Variants in DPP10 observed in about 807,000 individuals in gnomAD.
DPP10 encodes inactive dipeptidyl peptidase 10.
Under a neutral mutation model 120.9 loss-of-function variants are expected in DPP10, and 33 were observed. The ratio of observed to expected loss-of-function variants is 0.27; its 90% CI spans 0.21 to 0.37. The LOEUF (loss-of-function observed/expected upper bound fraction) is 0.37. DPP10 is among the 10% of genes least tolerant of loss of function. The pLI is 1.00. For synonymous variants in DPP10, 337 were observed against 326.1 expected (o/e 1.03, Z -0.36); for missense variants, 816 against 942.8 (o/e 0.87, Z 1.76).
intron 1 of DPP10, among the ~76,000 whole-genome samples, chr2:115,022,009 A>G (rs1303042226): frequency 6.6e-6 from 1 of 152,036 alleles, no homozygotes; most frequent in Non-Finnish European, 1.5e-5. Context: ...AAAATAGGAC[A>G]TATAATAAGG....
At chr2:114,608,698 C>T (rs1298311293) in intron 1 of DPP10, among the ~76,000 whole-genome samples, 1 of 150,730 alleles carries the variant, frequency 6.6e-6, no homozygotes, top group Non-Finnish European at 1.5e-5. Flanking sequence ...TGGACTGCTA[C>T]ACAGCCAAAA....
At chr2:114,825,246 T>G (rs1686427342) in intron 1 of DPP10, among the ~76,000 whole-genome samples, 1 of 152,196 alleles carries the variant, frequency 6.6e-6, no homozygotes, top group Admixed American at 6.5e-5. Context: ...AGTTTAACAT[T>G]TAATATCTGG....
chr2:114,591,390 G>A (rs543147985), intron 1 of DPP10, among the ~76,000 whole-genome samples: 13 of 152,286 alleles, frequency 8.5e-5, no homozygotes, highest in African/African-American at 3.1e-4. Flanking sequence ...CAACGCTGAT[G>A]TTGGTCCTCT....
At chr2:114,536,408 C>CTTTTTTTTTTTTT (rs70937287) in intron 1 of DPP10, among the ~76,000 whole-genome samples, 14 of 128,722 alleles carry the variant, frequency 1.1e-4, no homozygotes, top group East Asian at 2.2e-4. Flanking sequence ...TTTTCTTTTT[C>CTTTTTTTTTTTTT]TTTTTTTTTT....
At chr2:115,501,501 C>T (rs1030231715) in intron 4 of DPP10, among the ~76,000 whole-genome samples, 1 of 152,046 alleles carries the variant, frequency 6.6e-6, no homozygotes, top group Non-Finnish European at 1.5e-5. Context: ...TTCTCCTCTA[C>T]ATTAGCCGTG....
chr2:114,987,741 T>A (rs932710594), intron 1 of DPP10, among the ~76,000 whole-genome samples: 2 of 151,916 alleles, frequency 1.3e-5, no homozygotes, highest in Admixed American at 1.3e-4. Flanking sequence ...ATATCTTGGA[T>A]CTTATTGAGG....
chr2:115,340,709 C>T (rs764326827), intron 2 of DPP10, among the ~76,000 whole-genome samples: 1 of 151,142 alleles, frequency 6.6e-6, no homozygotes, highest in African/African-American at 2.4e-5. Context: ...TAGGAACAAA[C>T]TAAATGTTTT....
At chr2:115,528,581 A>G (rs1473375304) in intron 5 of DPP10, among the ~76,000 whole-genome samples, 1 of 152,056 alleles carries the variant, frequency 6.6e-6, no homozygotes, top group Non-Finnish European at 1.5e-5. Flanking sequence ...CAGCAGCCTT[A>G]TTTATAATAG....
chr2:115,329,724 A>G (rs1403747658), intron 2 of DPP10, among the ~76,000 whole-genome samples: 1 of 152,086 alleles, frequency 6.6e-6, no homozygotes, highest in African/African-American at 2.4e-5. Flanking sequence ...GCTGAGAATG[A>G]TGGTTTCCAG....
At chr2:115,498,822 A>G (rs763264859) in intron 3 of DPP10, among the ~76,000 whole-genome samples, 12 of 151,806 alleles carry the variant, frequency 7.9e-5, no homozygotes, top group Non-Finnish European at 1.8e-4. Context: ...TTTTCTAACA[A>G]ATATGGCCAA....
chr2:115,615,328 A>G (rs772903980), intron 5 of DPP10, among the ~76,000 whole-genome samples: 4 of 152,148 alleles, frequency 2.6e-5, no homozygotes, highest in Non-Finnish European at 5.9e-5. Flanking sequence ...ATATTTTTAA[A>G]TTTCAGACTG....
At chr2:115,620,392 G>C (rs1455617461) in intron 5 of DPP10, among the ~76,000 whole-genome samples, 5 of 152,182 alleles carry the variant, frequency 3.3e-5, no homozygotes, top group Non-Finnish European at 7.3e-5. Context: ...GAGTAAGATT[G>C]GTATAACATT....
chr2:115,000,387 G>T (rs1300672274), intron 1 of DPP10, among the ~76,000 whole-genome samples: 1 of 151,844 alleles, frequency 6.6e-6, no homozygotes, highest in African/African-American at 2.4e-5. Flanking sequence ...TTTCTTTTCC[G>T]GGAGTCAATA....
intron 13 of DPP10, 89 bp from the exon 14 acceptor site, chr2:115,777,118 CG>C (rs1682196040): frequency 9.1e-7 from 1 of 1,099,368 alleles, no homozygotes; most frequent in Non-Finnish European, 1.3e-6. Flanking sequence ...TTAGAGAATT[CG>C]AAGTGTCACA....
Position 114,494,115 on chromosome 2 carries a change from A to AAAC in DPP10, c.60+51279_60+51280insCAA, listed in dbSNP as rs1553450326. Among the ~76,000 whole-genome samples the AAAC allele has an allele frequency of 2.5e-3, 354 of 142,614 alleles. 6 individuals carry two copies. Among genetic ancestry groups the AAAC allele is most frequent in the Admixed American group, 0.011 (144 of 13,546 alleles). The allele number at this position is 142,614 out of a possible 152,430, so 93.6% of individuals were successfully genotyped here. A position where few individuals can be genotyped will look rare whatever the true frequency, so the allele number is the denominator to read the frequency against. On this transcript the variant is annotated intron_variant, in intron 1 of 25. Coordinates refer to ENST00000410059, the MANE Select transcript of DPP10 (RefSeq NM_020868.6). ...CAGCAATAAGGCAAAAAAAAAAAAA[A>AAAC]AAAAAACCCAGCAAATTGTCAATAA...
intron 5 of DPP10, among the ~76,000 whole-genome samples, chr2:115,556,960 C>T (rs543887724): frequency 2.0e-4 from 30 of 152,194 alleles, no homozygotes; most frequent in Admixed American, 5.2e-4. Flanking sequence ...CCCAAAGTCA[C>T]GGAACAGTAC....
At chr2:114,591,561 T>TTTTTTTTTTTTTTTTTG (rs1691465521) in intron 1 of DPP10, among the ~76,000 whole-genome samples, 1 of 149,638 alleles carries the variant, frequency 6.7e-6, no homozygotes, top group African/African-American at 2.5e-5. Context: ...CCTATTTTTT[T>TTTTTTTTTTTTTTTTTG]TTTTTTTTTT....
chr2:114,822,455 G>T (rs960180830), intron 1 of DPP10, among the ~76,000 whole-genome samples: 2 of 152,054 alleles, frequency 1.3e-5, no homozygotes, highest in Non-Finnish European at 2.9e-5. Flanking sequence ...CTGCCACAAA[G>T]GTCTCTGACA....
intron 5 of DPP10, among the ~76,000 whole-genome samples, chr2:115,617,272 T>TATATATATATATATATA (rs58444943): frequency 2.2e-5 from 3 of 135,862 alleles, no homozygotes; most frequent in African/African-American, 8.2e-5. Flanking sequence ...TATATATTTT[T>TATATATATATATATATA]TATATATATA....
Sources: gnomAD v4.1 joint callset for allele counts (sites outside exome capture counted in the v4.1 genomes callset) on GRCh38, gnomAD v4.1.1 for gene constraint, MANE v1.5 for transcripts, NCBI Gene and HGNC (gene_info 2026-07-23, HGNC 2026-07-21) for gene names.